ZNF292: variants seen among roughly 807,000 people sequenced by gnomAD.
ZNF292 encodes the protein zinc finger protein 292, also known as 16 zinc-finger domain protein.
ZNF292 carries 26 observed loss-of-function variants against 217.9 expected under a neutral mutation model. The observed-to-expected ratio is 0.12, with a 90% CI of 0.09 to 0.17. The LOEUF (loss-of-function observed/expected upper bound fraction) is 0.17, where lower values mean the gene tolerates loss of function less well. ZNF292 is among the 10% of genes least tolerant of loss of function. The pLI, the probability that ZNF292 is intolerant of heterozygous loss-of-function variation, is 1.00. For synonymous variants in ZNF292, 1,257 were observed against 1,124.1 expected, an observed-to-expected ratio of 1.12 and a Z score of -2.37; for missense variants, 2,904 against 3,175.2, an observed-to-expected ratio of 0.91 and a Z score of 2.05.
chr6:87,216,051 T>G lies in ZNF292; in HGVS notation c.317T>G (p.Leu106Trp). 1 of 1,555,680 alleles carries G rather than the reference T, an allele frequency of 6.4e-7. No homozygotes were observed. Among genetic ancestry groups the G allele is most frequent in the Non-Finnish European group, 8.6e-7 (1 of 1,158,184 alleles). Reference protein sequence around the residue: ...CENVALVLERLALSCVELLLC... With the variant: ...CENVALVLERWALSCVELLLC... ...AATGTAGCCTTGGTTCTGGAACGCT[T>G]GGCATTGTGAGTAGACCTTTGAGTA... Residue 106 changes from leucine to tryptophan, a missense_variant, in exon 2 of 8, where the codon TTG (leucine) becomes TGG (tryptophan). This residue lies in a region of ZNF292 where 313 missense variants were observed against 451.0 expected (regional missense o/e 0.69). Transcript: ENST00000369577.
At chr6:87,172,466 G>C (rs1582377772) in intron 1 of ZNF292, among the ~76,000 whole-genome samples, 1 of 152,274 alleles carries the variant, frequency 6.6e-6, no homozygotes, top group Middle Eastern at 3.4e-3. Context: ...AGGAGTCAGT[G>C]AGTGGCGTGG....
intron 4 of ZNF292, among the ~76,000 whole-genome samples, chr6:87,231,701 A>T (rs6933046): frequency 6.6e-6 from 1 of 151,942 alleles, no homozygotes; most frequent in Non-Finnish European, 1.5e-5. Flanking sequence ...TGCAGGGCCT[A>T]TTTGAGATTG....
At chr6:87,171,410 T>C (rs1771093806) in intron 1 of ZNF292, among the ~76,000 whole-genome samples, 1 of 151,922 alleles carries the variant, frequency 6.6e-6, no homozygotes, top group Non-Finnish European at 1.5e-5. Context: ...TTTTTGTTTG[T>C]TTTTTTAATC....
chr6:87,249,647 T>A (rs981582848), intron 7 of ZNF292, among the ~76,000 whole-genome samples: 16 of 152,206 alleles, frequency 1.1e-4, no homozygotes, highest in Admixed American at 3.9e-4. Context: ...TCTGGTGTAA[T>A]AACTCTCTTC....
Position 87,240,049 on chromosome 6 carries a change from C to T in ZNF292, c.742-3426C>T, listed in dbSNP as rs1023648889. On this transcript the variant is annotated intron_variant, in intron 5 of 7. Coordinates refer to ENST00000369577, the MANE Select transcript of ZNF292 (RefSeq NM_015021.3). ...GAGCCGAGATCAGACCACTGCACTC[C>T]AGCCTGGGCAACATTGAGCACTGAG... 2.6e-5 allele frequency among the ~76,000 whole-genome samples: 4 copies of T among 152,276 alleles called. No individual in the cohort carries two copies. The East Asian group carries it at 7.8e-4, about 30-fold the overall frequency.
chr6:87,155,906 C>T (rs541090636), intron 1 of ZNF292, 147 bp downstream of exon 1: 1 of 1,035,544 alleles, frequency 9.7e-7, no homozygotes, highest in Admixed American at 2.9e-5. Flanking sequence ...AAGGAAGGCG[C>T]CTTTGTGTGG....
Position 87,254,671 on chromosome 6 carries a change from A to G in ZNF292, c.1042A>G (p.Thr348Ala). The change falls in exon 8 of 8, where the codon ACC (threonine) becomes GCC (alanine). Residue 348 changes from threonine (T) to alanine (A), a missense_variant. Physicochemically the swap from Thr to Ala is moderately conservative, Grantham distance 58. Transcript: ENST00000369577. Reference sequence around the variant, plus strand: ...ACAGACTGAAGGGGCTGGACTTGCTACCTGTATAGAACTGTGTGTAAAGGC... The same window carrying G: ...ACAGACTGAAGGGGCTGGACTTGCTGCCTGTATAGAACTGTGTGTAAAGGC... Reference protein sequence around the residue: ...NSETEGAGLATCIELCVKALR... With the variant: ...NSETEGAGLAACIELCVKALR... The G allele has an allele frequency of 1.9e-6, 3 of 1,608,164 alleles. No homozygotes were observed. Among genetic ancestry groups the G allele is most frequent in the African/African-American group, 1.3e-5 (1 of 74,918 alleles).
Position 87,254,901 on chromosome 6 carries a change from A to C in ZNF292, c.1272A>C (p.Ile424=), listed in dbSNP as rs770826361. Residue 424 remains isoleucine, a synonymous_variant, in exon 8 of 8, where the codon ATA becomes ATC. Coordinates refer to ENST00000369577, the MANE Select transcript of ZNF292 (RefSeq NM_015021.3). The part of the protein sequence containing the change: ...DQKYDEENLP[I]PNSLRCELLL... ...AATATGATGAAGAGAATCTTCCAAT[A>C]CCAAATTCTTTACGCTGTGAGCTGT... The C allele has an allele frequency of 1.9e-6, 3 of 1,613,736 alleles. No individual in the cohort carries two copies. The Admixed American group carries it at 5.0e-5, about 27-fold the overall frequency.
intron 3 of ZNF292, among the ~76,000 whole-genome samples, chr6:87,216,710 C>T (rs766862664): frequency 1.3e-5 from 2 of 151,976 alleles, no homozygotes; most frequent in Non-Finnish European, 2.9e-5. Context: ...AAGAATTTCA[C>T]ATATATCATT....
intron 1 of ZNF292, among the ~76,000 whole-genome samples, chr6:87,179,999 C>G (rs1380986379): frequency 2.6e-5 from 4 of 152,168 alleles, no homozygotes; most frequent in African/African-American, 9.7e-5. Flanking sequence ...TCTCCCAGCT[C>G]TAAATTACCT....
At chr6:87,182,420 A>T (rs757327922) in intron 1 of ZNF292, among the ~76,000 whole-genome samples, 2 of 152,230 alleles carry the variant, frequency 1.3e-5, no homozygotes, top group African/African-American at 4.8e-5. Flanking sequence ...AATGACAGTC[A>T]TGTAAATTAT....
chr6:87,188,070 A>G (rs1771716935), intron 1 of ZNF292, among the ~76,000 whole-genome samples: 2 of 152,188 alleles, frequency 1.3e-5, no homozygotes, highest in African/African-American at 2.4e-5. Context: ...TATCTGGGGG[A>G]AAAGACCCTA....
intron 1 of ZNF292, among the ~76,000 whole-genome samples, chr6:87,183,008 A>G (rs1315354404): frequency 6.6e-6 from 1 of 152,190 alleles, no homozygotes; most frequent in East Asian, 1.9e-4. Flanking sequence ...AGTGTTTTAC[A>G]TAAATTTTTA....
chr6:87,217,010 C>T (rs1229559840), intron 3 of ZNF292, among the ~76,000 whole-genome samples: 2 of 151,948 alleles, frequency 1.3e-5, no homozygotes, highest in Admixed American at 1.3e-4. Context: ...TTTGTTTCAA[C>T]ACTAGAGCTG....
At chr6:87,216,119 AC>A in intron 2 of ZNF292, 62 bp downstream of exon 2, 1 of 201,290 alleles carries the variant, frequency 5.0e-6, no homozygotes, top group South Asian at 1.2e-4. Flanking sequence ...ACACACACAC[AC>A]ACACACACAC....
chr6:87,250,269 C>CA (rs774990265), intron 7 of ZNF292, among the ~76,000 whole-genome samples: 1,572 of 115,288 alleles, frequency 0.014, 10 homozygotes, highest in African/African-American at 0.042. Flanking sequence ...TGATCTCTAC[C>CA]AAAAAAAAAA....
chr6:87,257,760 T>C lies in ZNF292; in HGVS notation c.4131T>C (p.Cys1377=), dbSNP rs142923098. 306 of 1,613,774 alleles carry C rather than the reference T, an allele frequency of 1.9e-4. No homozygotes were observed. The African/African-American group carries it at 3.9e-3, about 21-fold the overall frequency. Residue 1377 remains cysteine (C), a synonymous_variant, in exon 8 of 8, where the codon TGT becomes TGC. Transcript: ENST00000369577. ...TTATCAGAGATGGGAAATTTATCTG[T>C]AGCAGGTGTTACAGGGCTTTTACTA... ...PAIIRDGKFI[C]SRCYRAFTNP... is the part of the protein sequence containing the mutation.
chr6:87,193,814 A>T (rs1562132675), intron 1 of ZNF292, among the ~76,000 whole-genome samples: 1 of 152,232 alleles, frequency 6.6e-6, no homozygotes, highest in Non-Finnish European at 1.5e-5. Context: ...CTTGGGTCTC[A>T]TACTGAAGAT....
chr6:87,179,875 T>C (rs1424319772), intron 1 of ZNF292, among the ~76,000 whole-genome samples: 1 of 152,238 alleles, frequency 6.6e-6, no homozygotes, highest in Non-Finnish European at 1.5e-5. Flanking sequence ...CAGATTTTTT[T>C]CATGCTATCT....
Sources: gnomAD v4.1 joint callset for allele counts (sites outside exome capture counted in the v4.1 genomes callset) on GRCh38, gnomAD v4.1.1 for gene constraint, gnomAD v4.1.1 regional missense constraint, MANE v1.5 for transcripts, NCBI Gene and HGNC (gene_info 2026-07-23, HGNC 2026-07-21) for gene names.